The following CYP2C18 variants were observed in gnomAD, a reference collection of about 807,000 sequenced individuals.
CYP2C18 encodes cytochrome P450 2C18.
In CYP2C18, 38 loss-of-function variants were observed where a neutral mutation model predicts 41.3. The ratio of observed to expected loss-of-function variants is 0.92; its 90% CI spans 0.71 to 1.21. The LOEUF (loss-of-function observed/expected upper bound fraction) is 1.21. CYP2C18 is among the 50% of genes most tolerant of loss of function. The pLI, the probability that CYP2C18 is intolerant of heterozygous loss-of-function variation, is 0.00. For missense variants in CYP2C18, 635 were observed against 591.4 expected (o/e 1.07, Z -0.77); for synonymous variants, 236 against 210.0 (o/e 1.12, Z -1.07).
Position 94,706,869 on chromosome 10 carries a change from A to C in CYP2C18, c.728A>C (p.Tyr243Ser), listed in dbSNP as rs1038104725. The change falls in exon 5 of 9, where the codon TAT (tyrosine) becomes TCT (serine). Residue 243 changes from tyrosine (Y) to serine (S), a missense_variant. Tyr to Ser is a moderately radical substitution (Grantham distance 144, BLOSUM62 -2). Coordinates refer to ENST00000285979, the MANE Select transcript of CYP2C18 (RefSeq NM_000772.3). ...GAAAATTTTGCTTACATTAAAAGTT[A>C]TGTATTGGAGAGAATAAAAGAACAT... ...IAENFAYIKS[Y>S]VLERIKEHQE... 6.2e-7 allele frequency: 1 copy of C among 1,611,770 alleles called. No homozygotes were observed. The highest frequency in any genetic ancestry group is 1.3e-5 in the African/African-American group (1 of 74,858).
chr10:94,704,852 G>A (rs1025222633), intron 4 of CYP2C18, among the ~76,000 whole-genome samples: 7 of 152,146 alleles, frequency 4.6e-5, no homozygotes, highest in Non-Finnish European at 1.0e-4. Flanking sequence ...ATAATCGTTT[G>A]CCCTAGGTAG....
intron 1 of CYP2C18, among the ~76,000 whole-genome samples, chr10:94,687,439 C>T (rs181467356): frequency 3.6e-4 from 55 of 152,210 alleles, no homozygotes; most frequent in African/African-American, 1.3e-3. Flanking sequence ...CAAATTTGGA[C>T]CTTCTGTTTA....
At chr10:94,695,173 G>T (rs1283746058) in intron 4 of CYP2C18, 96 bp downstream of exon 4, 1 of 1,157,452 alleles carries the variant, frequency 8.6e-7, no homozygotes, top group Non-Finnish European at 1.2e-6. Context: ...TTTAAGTTCT[G>T]GGATATGTGT....
At chr10:94,706,717 C>T (rs939467179) in intron 4 of CYP2C18, 67 bp from the exon 5 acceptor site, 18 of 853,784 alleles carry the variant, frequency 2.1e-5, no homozygotes, top group Non-Finnish European at 2.8e-5. Flanking sequence ...TTTAAACCAG[C>T]AGTTGACTTA....
In CYP2C18 at chr10:94,691,606, A is replaced by G. The variant is rs551884727; in HGVS notation, c.482-3311A>G. Among the ~76,000 whole-genome samples, 11 of 152,334 alleles carry G rather than the reference A, an allele frequency of 7.2e-5. No individual in the cohort carries two copies. In the South Asian group the frequency reaches 2.3e-3, roughly 32 times the overall value. On this transcript the variant is annotated intron_variant, in intron 3 of 8. Coordinates refer to ENST00000285979, the MANE Select transcript of CYP2C18 (RefSeq NM_000772.3). ...GAAAATGGCCATACCACCCAAGGTA[A>G]TTTATAGATTCAATGTCATCCCCAT...
intron 1 of CYP2C18, among the ~76,000 whole-genome samples, chr10:94,687,312 A>G (rs1476906695): frequency 6.6e-6 from 1 of 152,176 alleles, no homozygotes; most frequent in African/African-American, 2.4e-5. Context: ...CAGGATCCCT[A>G]TGGGATGAGC....
chr10:94,719,229 G>A (rs567555530), intron 5 of CYP2C18, among the ~76,000 whole-genome samples: 1 of 151,736 alleles, frequency 6.6e-6, no homozygotes, highest in Non-Finnish European at 1.5e-5. Context: ...AATTAAGATT[G>A]TATATATACA....
intron 4 of CYP2C18, among the ~76,000 whole-genome samples, chr10:94,703,946 T>C (rs1298698867): frequency 6.6e-6 from 1 of 152,164 alleles, no homozygotes; most frequent in Admixed American, 6.5e-5. Context: ...CTGGGCTGGA[T>C]AGCACTGTCC....
intron 5 of CYP2C18, among the ~76,000 whole-genome samples, chr10:94,715,004 C>G (rs1847514139): frequency 6.6e-6 from 1 of 152,162 alleles, no homozygotes; most frequent in African/African-American, 2.4e-5. Flanking sequence ...TATAAGAATA[C>G]TTGTGATTTT....
chr10:94,724,135 G>T (rs1249482615), intron 6 of CYP2C18, among the ~76,000 whole-genome samples: 1 of 151,338 alleles, frequency 6.6e-6, no homozygotes, highest in East Asian at 1.9e-4. Context: ...TAATATGTAG[G>T]TGGTTACAGA....
intron 3 of CYP2C18, among the ~76,000 whole-genome samples, chr10:94,692,857 T>G (rs1311614817): frequency 6.6e-6 from 1 of 152,102 alleles, no homozygotes; most frequent in Non-Finnish European, 1.5e-5. Flanking sequence ...AATGATGAGT[T>G]CATGTCCTTT....
At chr10:94,728,612 T>C (rs1847781254) in intron 7 of CYP2C18, 1 of 976,112 alleles carries the variant, frequency 1.0e-6, no homozygotes, top group Non-Finnish European at 1.2e-6. Context: ...AAGAAACATA[T>C]AGCATTTCTG....
At chr10:94,722,357 G>A (rs1354201198) in intron 6 of CYP2C18, among the ~76,000 whole-genome samples, 1 of 151,698 alleles carries the variant, frequency 6.6e-6, no homozygotes, top group Non-Finnish European at 1.5e-5. Flanking sequence ...TTCTGGCTCT[G>A]CATAACATAT....
At chr10:94,706,181 G>T (rs1409656) in intron 4 of CYP2C18, among the ~76,000 whole-genome samples, 1 of 152,164 alleles carries the variant, frequency 6.6e-6, no homozygotes, top group Admixed American at 6.5e-5. Flanking sequence ...TACAGTTTTG[G>T]CTGTGCTGAG....
At chr10:94,713,267 G>T (rs917620140) in intron 5 of CYP2C18, among the ~76,000 whole-genome samples, 9 of 151,732 alleles carry the variant, frequency 5.9e-5, no homozygotes, top group Admixed American at 2.6e-4. Flanking sequence ...GTGCCATGTA[G>T]GTGTGCTGCA....
At chr10:94,730,630 T>G (rs1054975749) in intron 7 of CYP2C18, among the ~76,000 whole-genome samples, 2 of 152,150 alleles carry the variant, frequency 1.3e-5, no homozygotes, top group African/African-American at 4.8e-5. Context: ...AGACCAGGTA[T>G]GTTTAGAGGC....
chr10:94,695,524 A>G (rs1354266167), intron 4 of CYP2C18, among the ~76,000 whole-genome samples: 1 of 152,114 alleles, frequency 6.6e-6, no homozygotes, highest in Non-Finnish European at 1.5e-5. Flanking sequence ...TCACTTATGA[A>G]GCTTAGTTTG....
At chr10:94,693,991 T>C (rs1847065339) in intron 3 of CYP2C18, among the ~76,000 whole-genome samples, 1 of 152,164 alleles carries the variant, frequency 6.6e-6, no homozygotes, top group Non-Finnish European at 1.5e-5. Flanking sequence ...AGCTTTCCTC[T>C]ATAGTAATTT....
intron 7 of CYP2C18, among the ~76,000 whole-genome samples, chr10:94,726,541 T>G (rs12762370): frequency 1.1e-4 from 17 of 152,062 alleles, no homozygotes; most frequent in African/African-American, 3.9e-4. Context: ...TATGGTTGCA[T>G]AGTATTCCAT....
Sources: allele counts gnomAD v4.1 joint callset (sites outside exome capture counted in the v4.1 genomes callset), GRCh38; gene constraint gnomAD v4.1.1; transcripts MANE v1.5; gene names NCBI Gene and HGNC (gene_info 2026-07-23, HGNC 2026-07-21).